DROSHA: variants seen among roughly 807,000 people sequenced by gnomAD.
DROSHA encodes ribonuclease 3.
In DROSHA, 56 loss-of-function variants were observed where a neutral mutation model predicts 181.9. That is an observed-to-expected ratio of 0.31 (90% CI 0.25 to 0.38). The LOEUF is 0.38. Ranked by LOEUF, DROSHA falls within the 10% of genes least tolerant of loss-of-function variation. DROSHA has a pLI of 1.00. For synonymous variants in DROSHA, 524 were observed against 591.2 expected, an observed-to-expected ratio of 0.89 and a Z score of 1.65; for missense variants, 1,218 against 1,743.5, an observed-to-expected ratio of 0.70 and a Z score of 5.37.
intron 35 of DROSHA, among the ~76,000 whole-genome samples, chr5:31,402,397 C>CAGAG (rs34584759): frequency 0.87 from 131,824 of 151,902 alleles, 57,601 homozygotes; most frequent in African/African-American, 0.96. Context: ...TTCTGAAAGA[C>CAGAG]AGAGAAGGCA....
At chr5:31,498,675 T>C (rs564423197) in intron 11 of DROSHA, among the ~76,000 whole-genome samples, 64 of 152,048 alleles carry the variant, frequency 4.2e-4, no homozygotes, top group African/African-American at 1.5e-3. Context: ...CTGACCAACA[T>C]GGAGAAACCC....
chr5:31,503,792 C>A (rs1444101831), intron 11 of DROSHA, among the ~76,000 whole-genome samples: 1 of 152,224 alleles, frequency 6.6e-6, no homozygotes, highest in African/African-American at 2.4e-5. Context: ...CCTCGCTACA[C>A]TTGCCAACTT....
intron 10 of DROSHA, among the ~76,000 whole-genome samples, chr5:31,508,339 C>T (rs1738236968): frequency 6.6e-6 from 1 of 152,208 alleles, no homozygotes; most frequent in Non-Finnish European, 1.5e-5. Context: ...CCTCATCCTA[C>T]CATGTGTCTC....
intron 16 of DROSHA, among the ~76,000 whole-genome samples, chr5:31,482,996 A>G (rs1325152796): frequency 1.3e-5 from 2 of 152,122 alleles, no homozygotes; most frequent in African/African-American, 4.8e-5. Context: ...GCCAAATATT[A>G]CAGGTGGATT....
At position 31,514,514 on chromosome 5, in the gene DROSHA, C is replaced by T. The variant is rs908223816; in HGVS notation, c.1290+474G>A. Reference sequence around the variant, plus strand: ...AAAAAATTAGCCAGTCATGGTGGCACGTGCCCCGTAGTTCCAGCTACTCAG... The same window carrying T: ...AAAAAATTAGCCAGTCATGGTGGCATGTGCCCCGTAGTTCCAGCTACTCAG... On this transcript the variant is annotated intron_variant, in intron 8 of 35. Transcript: ENST00000344624. The surrounding 1 kb of genome is among the most constrained non-coding windows in gnomAD (Gnocchi z 4.4). Among the ~76,000 whole-genome samples the T allele has an allele frequency of 2.0e-5, 3 of 151,980 alleles. No individual in the cohort carries two copies. The highest frequency in any genetic ancestry group is 2.1e-4 in the South Asian group (1 of 4,802).
chr5:31,463,850 A>G (rs1748707904), intron 20 of DROSHA, among the ~76,000 whole-genome samples: 1 of 152,182 alleles, frequency 6.6e-6, no homozygotes, highest in East Asian at 1.9e-4. Flanking sequence ...TCTAGAAAAC[A>G]TACACTTTAC....
At position 31,486,502 on chromosome 5, in the gene DROSHA, T is replaced by G; in HGVS notation, c.1903A>C (p.Met635Leu). ...IDYTIHFIEE[M>L]MPENFCVKGL... ...ATCTTTTCCCTTACCTCCGGCATCATCTCTTCAATGAAATGAATCGTGTAG... is the reference window on the plus strand; with the variant it reads ...ATCTTTTCCCTTACCTCCGGCATCAGCTCTTCAATGAAATGAATCGTGTAG... The change falls in exon 14 of 36, where the codon ATG becomes CTG. Residue 635 changes from methionine (M) to leucine (L), a missense_variant. Transcript: ENST00000344624. 1 of 1,613,732 alleles carries G rather than the reference T, an allele frequency of 6.2e-7. No individual in the cohort carries two copies. Among genetic ancestry groups the G allele is most frequent in the Non-Finnish European group, 8.5e-7 (1 of 1,179,812 alleles).
chr5:31,482,819 T>C (rs996149550), intron 16 of DROSHA, among the ~76,000 whole-genome samples: 35 of 152,172 alleles, frequency 2.3e-4, no homozygotes, highest in African/African-American at 8.2e-4. Context: ...AAATACTTTT[T>C]TTTTTTTTTT....
intron 23 of DROSHA, among the ~76,000 whole-genome samples, chr5:31,441,203 C>T (rs2037404011): frequency 6.6e-6 from 1 of 151,376 alleles, no homozygotes; most frequent in Non-Finnish European, 1.5e-5. Context: ...TTAGGCCAGA[C>T]GTTCAAGACC....
At chr5:31,528,927 A>C in intron 4 of DROSHA, 113 bp downstream of exon 4, 20 of 1,380,216 alleles carry the variant, frequency 1.4e-5, no homozygotes, top group Non-Finnish European at 1.8e-5. Context: ...GAATGAGCAC[A>C]TTATCCCCTC....
At position 31,401,531 on chromosome 5, in the gene DROSHA, C is replaced by G; in HGVS notation, c.4026G>C (p.Arg1342=). 1 of 1,603,494 alleles carries G rather than the reference C, an allele frequency of 6.2e-7. No homozygotes were observed. Among genetic ancestry groups the G allele is most frequent in the Non-Finnish European group, 8.5e-7 (1 of 1,174,538 alleles). ...CTTGTCTGTACTTCCGTTCGATGAA[C>G]CGCTTCTGATGGGCCATCTGGGGAA... ...YNFPQMAHQK[R]FIERKYRQEL... The change falls in exon 36 of 36, where the codon CGG becomes CGC. Residue 1342 remains arginine, a synonymous_variant. Coordinates refer to ENST00000344624, the MANE Select transcript of DROSHA (RefSeq NM_001382508.1).
rs568992648 is a variant in DROSHA, at chr5:31,436,902, T to C, written c.2942+337A>G. On this transcript the variant is annotated intron_variant, in intron 24 of 35. Transcript: ENST00000344624. ...AATCCTAGAAGATGAAATGACATTT[T>C]AAAATATCATCCCTTTCTTTACAAA... Among the ~76,000 whole-genome samples the C allele has an allele frequency of 2.9e-3, 435 of 152,312 alleles. 1 individual carries two copies. Among genetic ancestry groups the C allele is most frequent in the Middle Eastern group, 0.02 (6 of 294 alleles).
intron 15 of DROSHA, among the ~76,000 whole-genome samples, chr5:31,484,368 G>A (rs184684763): frequency 0.068 from 7,590 of 111,682 alleles, 464 homozygotes; most frequent in East Asian, 0.17. Flanking sequence ...GCGACAGAGC[G>A]AGACTCCGTC....
Position 31,529,123 on chromosome 5 carries a change from T to A in DROSHA, c.-46-18A>T. 9.5e-6 allele frequency: 15 copies of A among 1,587,000 alleles called. No homozygotes were observed. In the South Asian group the frequency reaches 1.7e-4, roughly 18 times the overall value. On this transcript the variant is annotated intron_variant, in intron 3 of 35. Coordinates refer to ENST00000344624, the MANE Select transcript of DROSHA (RefSeq NM_001382508.1). ...TATAAGCTCTAAAAAACAGAAAGAA[T>A]AAAACAGACATAAACATGTTTCCCA...
intron 35 of DROSHA, among the ~76,000 whole-genome samples, chr5:31,403,767 T>C (rs1405638445): frequency 2.0e-5 from 3 of 152,200 alleles, no homozygotes; most frequent in Non-Finnish European, 4.4e-5. Flanking sequence ...CGACAGAGAT[T>C]ATATGGTCTG....
chr5:31,421,888 A>AT (rs57219562), intron 29 of DROSHA: 22 of 84,318 alleles, frequency 2.6e-4, no homozygotes, highest in African/African-American at 9.8e-4. Context: ...AAAAAAAAAA[A>AT]AAAAAAATAT....
At chr5:31,442,493 T>C in intron 23 of DROSHA, among the ~76,000 whole-genome samples, 1 of 152,172 alleles carries the variant, frequency 6.6e-6, no homozygotes, top group East Asian at 1.9e-4. Flanking sequence ...AAACACTCCA[T>C]TTGTTTTTAA....
At chr5:31,525,968 T>C in intron 5 of DROSHA, 111 bp downstream of exon 5, 1 of 1,078,728 alleles carries the variant, frequency 9.3e-7, no homozygotes, top group Non-Finnish European at 1.3e-6. Context: ...TTCCTTTCCT[T>C]ACATAAATCA....
intron 20 of DROSHA, among the ~76,000 whole-genome samples, chr5:31,459,948 T>G (rs1748214159): frequency 6.6e-6 from 1 of 152,174 alleles, no homozygotes; most frequent in Non-Finnish European, 1.5e-5. Context: ...AGTCTCCTAC[T>G]GGTGATGCGA....
Sources: gnomAD v4.1 joint callset for allele counts (sites outside exome capture counted in the v4.1 genomes callset) on GRCh38, gnomAD v4.1.1 for gene constraint, Gnocchi (gnomAD v3.1) non-coding constraint, MANE v1.5 for transcripts, NCBI Gene and HGNC (gene_info 2026-07-23, HGNC 2026-07-21) for gene names.